MPP4: variants seen among roughly 807,000 people sequenced by gnomAD.
MPP4 encodes MAGUK p55 subfamily member 4.
Under a neutral mutation model 98.3 loss-of-function variants are expected in MPP4, and 91 were observed. The observed-to-expected ratio is 0.93, with a 90% CI of 0.78 to 1.10. MPP4 has a LOEUF of 1.10. Among genes scored for constraint, MPP4 ranks in the 50% least tolerant of loss-of-function variants. MPP4 has a pLI of 0.00. For missense variants in MPP4, 744 were observed against 792.9 expected (o/e 0.94, Z 0.74); for synonymous variants, 261 against 271.8 (o/e 0.96, Z 0.39).
chr2:201,672,455 C>T (rs1197642060), intron 11 of MPP4, among the ~76,000 whole-genome samples: 1 of 152,026 alleles, frequency 6.6e-6, no homozygotes, highest in Non-Finnish European at 1.5e-5. Context: ...TCAATGAATT[C>T]AGGAGCTGGA....
At chr2:201,675,183 C>A in intron 11 of MPP4, 24 bp downstream of exon 11, 1 of 1,594,354 alleles carries the variant, frequency 6.3e-7, no homozygotes, top group Non-Finnish European at 8.5e-7. Flanking sequence ...CAGGAAGAAC[C>A]TGTCGGGCAG....
At chr2:201,676,077 T>C (rs1032522518) in intron 10 of MPP4, among the ~76,000 whole-genome samples, 7 of 152,206 alleles carry the variant, frequency 4.6e-5, no homozygotes, top group African/African-American at 1.7e-4. Context: ...AGCTCTAATT[T>C]AATCTCTCAA....
intron 13 of MPP4, among the ~76,000 whole-genome samples, chr2:201,664,853 A>G (rs1034715356): frequency 6.6e-6 from 1 of 152,220 alleles, no homozygotes; most frequent in East Asian, 1.9e-4. Flanking sequence ...AAATGATTGT[A>G]TAAGTATACA....
chr2:201,693,728 C>A (rs770873642), intron 2 of MPP4, 148 bp downstream of exon 2: 1 of 852,730 alleles, frequency 1.2e-6, no homozygotes, highest in Non-Finnish European at 1.9e-6. Context: ...TTAAAGTTAT[C>A]ACTGGTAGGG....
At chr2:201,683,429 A>G (rs1183513284) in intron 7 of MPP4, among the ~76,000 whole-genome samples, 1 of 152,242 alleles carries the variant, frequency 6.6e-6, no homozygotes, top group Non-Finnish European at 1.5e-5. Flanking sequence ...TGTCAACAGC[A>G]TCAGATGTGG....
intron 1 of MPP4, chr2:201,697,860 G>C (rs1031830776): frequency 1.1e-6 from 1 of 916,294 alleles, no homozygotes; most frequent in Non-Finnish European, 1.3e-6. Flanking sequence ...TAGTAAAATC[G>C]AGTTTTCCTC....
Position 201,694,038 on chromosome 2 carries a change from C to T in MPP4, c.-84G>A. On this transcript the variant is annotated 5_prime_UTR_variant, in exon 2 of 22. An upstream open reading frame in the 5' UTR gains an earlier in-frame stop. Coordinates refer to ENST00000409474, the MANE Select transcript of MPP4 (RefSeq NM_033066.3). The stretch of plus-strand genomic sequence containing the variant: ...ACACAGCTCACTCAGTCCCACTGGC[C>T]ACCAGCTCTCAGCACACTGGAATAT... The T allele has an allele frequency of 6.2e-7, 1 of 1,612,220 alleles. No individual in the cohort carries two copies. Among genetic ancestry groups the T allele is most frequent in the Non-Finnish European group, 8.5e-7 (1 of 1,179,178 alleles).
Position 201,686,060 on chromosome 2 carries a change from G to T in MPP4, c.361-10C>A. On this transcript the variant is annotated splice_polypyrimidine_tract_variant and intron_variant, in intron 5 of 21. Transcript: ENST00000409474. ...GGGCACTGAGCAAGGCCTGGGCACA[G>T]GGAAGGAAAAGGTGAGCAAATGTCA... 1 of 1,609,902 alleles carries T rather than the reference G, an allele frequency of 6.2e-7. No homozygotes were observed. Among genetic ancestry groups the T allele is most frequent in the South Asian group, 1.1e-5 (1 of 90,852 alleles).
At chr2:201,675,908 C>T (rs552184843) in intron 10 of MPP4, among the ~76,000 whole-genome samples, 6 of 152,278 alleles carry the variant, frequency 3.9e-5, no homozygotes, top group Middle Eastern at 3.4e-3. Flanking sequence ...GAGAAGATTT[C>T]GAAGACACTC....
intron 12 of MPP4, chr2:201,666,839 C>T (rs931812314): frequency 1.3e-5 from 2 of 152,116 alleles, no homozygotes; most frequent in Non-Finnish European, 2.9e-5. Flanking sequence ...ACTCAGTCCA[C>T]CTTATGATAA....
At chr2:201,678,866 C>T (rs1688591899) in intron 10 of MPP4, among the ~76,000 whole-genome samples, 1 of 152,118 alleles carries the variant, frequency 6.6e-6, no homozygotes, top group Admixed American at 6.5e-5. Flanking sequence ...GGTCTCAACA[C>T]TGTTCTGTCA....
chr2:201,693,600 T>A (rs1404190476), intron 2 of MPP4, among the ~76,000 whole-genome samples: 2 of 152,236 alleles, frequency 1.3e-5, no homozygotes, highest in African/African-American at 4.8e-5. Context: ...GTAGTGATAT[T>A]CTGAATGTGA....
chr2:201,674,134 TA>T (rs1559011959), intron 11 of MPP4, among the ~76,000 whole-genome samples: 2 of 152,256 alleles, frequency 1.3e-5, no homozygotes, highest in African/African-American at 2.4e-5. Context: ...ACACAATTGT[TA>T]ATCAGTGCTT....
chr2:201,659,057 G>A (rs1472282258), intron 15 of MPP4, among the ~76,000 whole-genome samples: 3 of 151,794 alleles, frequency 2.0e-5, no homozygotes, highest in Admixed American at 1.3e-4. Context: ...CACCATGCCC[G>A]GCTAATTTTT....
At chr2:201,676,492 A>G (rs1688509386) in intron 10 of MPP4, among the ~76,000 whole-genome samples, 1 of 152,268 alleles carries the variant, frequency 6.6e-6, no homozygotes, top group South Asian at 2.1e-4. Context: ...CATCGTGAGG[A>G]CTAAATAATA....
chr2:201,681,610 G>A lies in MPP4; in HGVS notation c.661-43C>T, dbSNP rs773260049. Reference sequence around the variant, plus strand: ...AGAAAGGATGACAATCATGGAGCTAGCAGGGTTACTGGGGCTCGGTGGACA... The same window carrying A: ...AGAAAGGATGACAATCATGGAGCTAACAGGGTTACTGGGGCTCGGTGGACA... On this transcript the variant is annotated intron_variant, in intron 8 of 21. Coordinates refer to ENST00000409474, the MANE Select transcript of MPP4 (RefSeq NM_033066.3). 3 of 1,524,994 alleles carry A rather than the reference G, an allele frequency of 2.0e-6. No homozygotes were observed. In the East Asian group the frequency reaches 6.8e-5, roughly 34 times the overall value. 94.5% of individuals were successfully genotyped at this position (1,524,994 alleles called of 1,614,324 possible).
chr2:201,671,675 G>C (rs998640399), intron 11 of MPP4, among the ~76,000 whole-genome samples: 2 of 152,130 alleles, frequency 1.3e-5, no homozygotes, highest in Non-Finnish European at 2.9e-5. Flanking sequence ...AAGTGGTAAA[G>C]GGATCAACAC....
chr2:201,656,460 T>G, intron 16 of MPP4, 92 bp from the exon 17 acceptor site: 2 of 1,249,504 alleles, frequency 1.6e-6, no homozygotes, highest in Admixed American at 5.5e-5. Context: ...ACCATGATCC[T>G]AAAGTGTTCA....
chr2:201,696,496 G>A (rs1032830448), intron 1 of MPP4, among the ~76,000 whole-genome samples: 10 of 152,132 alleles, frequency 6.6e-5, no homozygotes, highest in Non-Finnish European at 1.0e-4. Flanking sequence ...CAAATCACAC[G>A]TCCTTGGCAA....
Sources: allele counts gnomAD v4.1 joint callset (sites outside exome capture counted in the v4.1 genomes callset), GRCh38; gene constraint gnomAD v4.1.1; transcripts MANE v1.5; gene names NCBI Gene and HGNC (gene_info 2026-07-23, HGNC 2026-07-21).